The following DOP1B variants were observed in gnomAD, a reference collection of about 807,000 sequenced individuals.
DOP1B encodes DOP1 leucine zipper like protein B.
In DOP1B, 174 loss-of-function variants were observed where a neutral mutation model predicts 233.5. The observed-to-expected ratio is 0.75, with a 90% CI of 0.66 to 0.85. The LOEUF is 0.85. Among genes scored for constraint, DOP1B ranks in the 40% least tolerant of loss-of-function variants. The probability of loss-of-function intolerance (pLI) is 0.00; values close to 1 mark genes in which losing one functional copy is unlikely to be tolerated. For missense variants in DOP1B, 2,652 were observed against 2,846.6 expected, an observed-to-expected ratio of 0.93 and a Z score of 1.56; for synonymous variants, 1,190 against 1,185.6, an observed-to-expected ratio of 1.00 and a Z score of -0.08.
intron 1 of DOP1B, among the ~76,000 whole-genome samples, chr21:36,162,650 C>T (rs1172060156): frequency 6.6e-6 from 1 of 152,130 alleles, no homozygotes; most frequent in East Asian, 1.9e-4. Flanking sequence ...TCAAGCAATG[C>T]TCATGCCTCA....
At chr21:36,207,967 G>A (rs80094194) in intron 4 of DOP1B, among the ~76,000 whole-genome samples, 2,396 of 152,270 alleles carry the variant, frequency 0.016, 35 homozygotes, top group Non-Finnish European at 0.026. Context: ...GGGGAAAAAC[G>A]AGCCCTGATC....
At chr21:36,257,641 GAA>G (rs2067117595) in intron 23 of DOP1B, among the ~76,000 whole-genome samples, 1 of 147,542 alleles carries the variant, frequency 6.8e-6, no homozygotes. Context: ...TAGATAGATA[GAA>G]GTAGTTAGGT....
At position 36,281,623 on chromosome 21, in the gene DOP1B, G is replaced by C; in HGVS notation, c.6160+12G>C. 1 of 1,557,004 alleles carries C rather than the reference G, an allele frequency of 6.4e-7. No homozygotes were observed. Among genetic ancestry groups the C allele is most frequent in the African/African-American group, 1.4e-5 (1 of 73,468 alleles). ...TCCACTGATACAAGGTAAGACAGCT[G>C]TCTTAGTCTGTTTTTTGCTGCTATA... On this transcript the variant is annotated intron_variant, in intron 32 of 36. Coordinates refer to ENST00000691173, the MANE Select transcript of DOP1B (RefSeq NM_001320714.2).
chr21:36,185,433 T>C (rs142668862), intron 2 of DOP1B, among the ~76,000 whole-genome samples: 2 of 152,302 alleles, frequency 1.3e-5, no homozygotes, highest in African/African-American at 4.8e-5. Context: ...TAGAACAGTT[T>C]CCTTTGTGAG....
At chr21:36,224,469 C>T (rs146715841) in intron 11 of DOP1B, among the ~76,000 whole-genome samples, 270 of 151,854 alleles carry the variant, frequency 1.8e-3, no homozygotes, top group Middle Eastern at 6.8e-3. Context: ...CATGAGCCGC[C>T]GCATCTGGCC....
chr21:36,227,788 AC>A lies in DOP1B; in HGVS notation c.1577del (p.Thr526SerfsTer4), dbSNP rs1300831171. The A allele has an allele frequency of 6.2e-7, 1 of 1,613,856 alleles. No homozygotes were observed. The highest frequency in any genetic ancestry group is 8.5e-7 in the Non-Finnish European group (1 of 1,179,816). On this transcript the variant is annotated frameshift_variant, in exon 13 of 37. Transcript: ENST00000691173. LOFTEE classifies it high-confidence loss of function. Reference sequence around the variant, plus strand: ...GGAGGCCTTAAGTTTACCTGAACTCACGCATGCCTTGAAGACGTGTTTCAAG... The same window carrying A: ...GGAGGCCTTAAGTTTACCTGAACTCAGCATGCCTTGAAGACGTGTTTCAAG... Reference protein sequence around the residue: ...DMEALSLPELTHALKTCFKVL... With the variant: ...DMEALSLPELXHALKTCFKVL...
chr21:36,207,129 A>G lies in DOP1B; in HGVS notation c.492-1586A>G, dbSNP rs1256730316. ...GGACCTAGTAGTAATTGCAGGCGGC[A>G]TGGCCCAAGCATTAGGTCTGTTCTT... On this transcript the variant is annotated intron_variant, in intron 4 of 36. Transcript: ENST00000691173. Among the ~76,000 whole-genome samples the G allele has an allele frequency of 5.3e-5, 8 of 151,522 alleles. No homozygotes were observed. The South Asian group carries it at 1.0e-3, about 20-fold the overall frequency.
At chr21:36,243,492 A>C (rs1235028744) in intron 18 of DOP1B, among the ~76,000 whole-genome samples, 1 of 152,068 alleles carries the variant, frequency 6.6e-6, no homozygotes, top group African/African-American at 2.4e-5. Context: ...GTTAGTTTTA[A>C]AATGGAAATA....
At position 36,245,038 on chromosome 21, in the gene DOP1B, T is replaced by C; in HGVS notation, c.3068-10T>C. ...CTGTCTAAAGTCATTTGTCATCTTG[T>C]AATTTTCAGATGACTTGCACCGTTG... is the stretch of plus-strand genomic sequence containing the variant. On this transcript the variant is annotated splice_polypyrimidine_tract_variant and intron_variant, in intron 18 of 36. Transcript: ENST00000691173. The surrounding 1 kb of genome is among the most constrained non-coding windows in gnomAD (Gnocchi z 5.5). 1 of 1,583,686 alleles carries C rather than the reference T, an allele frequency of 6.3e-7. No individual in the cohort carries two copies. Among genetic ancestry groups the C allele is most frequent in the Non-Finnish European group, 8.6e-7 (1 of 1,158,728 alleles).
At position 36,164,847 on chromosome 21, in the gene DOP1B, A is replaced by G; in HGVS notation, c.114A>G (p.Ile38Met). Reference protein sequence around the residue: ...FESSSEWADLISSLGKLNKAL... With the variant: ...FESSSEWADLMSSLGKLNKAL... Reference sequence around the variant, plus strand: ...CCTCGAGTGAATGGGCGGATCTCATATCTTCACTTGGCAAACTCAACAAGG... The same window carrying G: ...CCTCGAGTGAATGGGCGGATCTCATGTCTTCACTTGGCAAACTCAACAAGG... Residue 38 changes from isoleucine to methionine, a missense_variant, in exon 2 of 37, where the codon ATA becomes ATG. Ile to Met is a conservative substitution (Grantham distance 10). This residue lies in a region of DOP1B where 2,617 missense variants were observed against 2,794.3 expected (regional missense o/e 0.94). Transcript: ENST00000691173. 1 of 1,611,064 alleles carries G rather than the reference A, an allele frequency of 6.2e-7. No individual in the cohort carries two copies. Among genetic ancestry groups the G allele is most frequent in the Non-Finnish European group, 8.5e-7 (1 of 1,178,676 alleles).
intron 27 of DOP1B, among the ~76,000 whole-genome samples, 162 bp from the exon 28 acceptor site, chr21:36,276,859 A>AT (rs1491196359): frequency 1.3e-5 from 2 of 150,964 alleles, no homozygotes; most frequent in Non-Finnish European, 3.0e-5. Context: ...AAAAAAAAAA[A>AT]GAAAAAGCTG....
In DOP1B at chr21:36,214,554, T is replaced by C; in HGVS notation, c.1127T>C (p.Ile376Thr). The C allele has an allele frequency of 1.2e-6, 2 of 1,613,352 alleles. No homozygotes were observed. Among genetic ancestry groups the C allele is most frequent in the Non-Finnish European group, 8.5e-7 (1 of 1,179,738 alleles). Residue 376 changes from isoleucine (I) to threonine (T), a missense_variant and splice_region_variant, in exon 9 of 37, where the codon ATA (isoleucine) becomes ACA (threonine). Ile to Thr is a moderately conservative substitution (Grantham distance 89). Transcript: ENST00000691173. ...ATCAGTCTGCTTGACAAGCCAGAAA[T>C]AGGTAATGTTAGAAATGCTGCTTCT... ...VLISLLDKPE[I>T]GPQVVGNLFL... is the part of the protein sequence containing the mutation.
At chr21:36,205,528 A>G (rs2066416996) in intron 4 of DOP1B, among the ~76,000 whole-genome samples, 1 of 151,996 alleles carries the variant, frequency 6.6e-6, no homozygotes, top group Non-Finnish European at 1.5e-5. Context: ...AGCTGGGATT[A>G]CAGGTGCGAA....
chr21:36,268,161 G>A (rs1569062052), intron 26 of DOP1B, among the ~76,000 whole-genome samples: 1 of 152,090 alleles, frequency 6.6e-6, no homozygotes, highest in Non-Finnish European at 1.5e-5. Context: ...AGACCAGGGC[G>A]TATCTCAGTC....
At chr21:36,292,259 T>C in intron 36 of DOP1B, 26 bp downstream of exon 36, 2 of 1,400,704 alleles carry the variant, frequency 1.4e-6, no homozygotes, top group Non-Finnish European at 1.9e-6. Context: ...TTCTTTTCTT[T>C]TTTTTTTTTT....
chr21:36,234,251 G>A (rs986941960), intron 15 of DOP1B, among the ~76,000 whole-genome samples: 2 of 152,080 alleles, frequency 1.3e-5, no homozygotes, highest in Non-Finnish European at 2.9e-5. Flanking sequence ...GACTGGAACC[G>A]CTATAAGCAG....
intron 23 of DOP1B, among the ~76,000 whole-genome samples, chr21:36,258,771 A>G (rs919436943): frequency 2.6e-4 from 39 of 152,304 alleles, no homozygotes; most frequent in Non-Finnish European, 1.2e-4. Context: ...CCTATATTCT[A>G]GGTTGGCAAA....
intron 30 of DOP1B, among the ~76,000 whole-genome samples, chr21:36,279,505 AC>A (rs910301354): frequency 2.0e-5 from 3 of 152,098 alleles, no homozygotes; most frequent in Non-Finnish European, 2.9e-5. Flanking sequence ...GAGATTGGGA[AC>A]CCTTTTTGTA....
At chr21:36,291,973 A>T in intron 35 of DOP1B, 131 bp from the exon 36 acceptor site, 1 of 1,067,390 alleles carries the variant, frequency 9.4e-7, no homozygotes, top group Non-Finnish European at 1.3e-6. Context: ...CAACTCTATG[A>T]ATATAATAAA....
Sources: allele counts gnomAD v4.1 joint callset (sites outside exome capture counted in the v4.1 genomes callset), GRCh38; gene constraint gnomAD v4.1.1; regional missense constraint gnomAD v4.1.1; non-coding constraint Gnocchi (gnomAD v3.1); transcripts MANE v1.5; gene names NCBI Gene and HGNC (gene_info 2026-07-23, HGNC 2026-07-21).